The following CHN2 variants were observed in gnomAD, a reference collection of about 807,000 sequenced individuals.
CHN2 encodes the protein beta-chimaerin.
CHN2 carries 35 observed loss-of-function variants against 56.3 expected under a neutral mutation model. The observed-to-expected ratio is 0.62, with a 90% confidence interval of 0.47 to 0.82. CHN2 has a LOEUF of 0.82. Ranked by LOEUF, CHN2 falls within the 40% of genes least tolerant of loss-of-function variation. The pLI, the probability that CHN2 is intolerant of heterozygous loss-of-function variation, is 0.00. For missense variants in CHN2, 491 were observed against 580.5 expected (o/e 0.85, Z 1.58); for synonymous variants, 210 against 212.8 (o/e 0.99, Z 0.12).
intron 1 of CHN2, among the ~76,000 whole-genome samples, chr7:29,333,989 C>T (rs895043710): frequency 1.3e-5 from 2 of 151,770 alleles, no homozygotes; most frequent in Admixed American, 1.3e-4. Flanking sequence ...ATTTGACCAC[C>T]TTGCTATAAG....
intron 2 of CHN2, among the ~76,000 whole-genome samples, chr7:29,163,264 A>G (rs1279075293): frequency 6.6e-6 from 1 of 152,152 alleles, no homozygotes; most frequent in East Asian, 1.9e-4. Context: ...TATATACTGG[A>G]TTTTGAAGAC....
chr7:29,351,879 GTGT>G (rs1421293305), intron 1 of CHN2, among the ~76,000 whole-genome samples: 1 of 152,232 alleles, frequency 6.6e-6, no homozygotes, highest in Non-Finnish European at 1.5e-5. Flanking sequence ...ACACCAGGAA[GTGT>G]TGTGATCTCC....
intron 1 of CHN2, among the ~76,000 whole-genome samples, chr7:29,302,318 TC>T (rs74379697): frequency 0.091 from 13,725 of 151,264 alleles, 792 homozygotes; most frequent in East Asian, 0.19. Flanking sequence ...TCTCCTTCCT[TC>T]CTTCTTTCTT....
chr7:29,437,551 T>C (rs1272296798), intron 6 of CHN2, among the ~76,000 whole-genome samples: 2 of 82,504 alleles, frequency 2.4e-5, no homozygotes, highest in Admixed American at 1.1e-4. Flanking sequence ...TGAGCCGAGA[T>C]CGCGCCACTG....
chr7:29,216,648 C>T (rs39061), intron 1 of CHN2, among the ~76,000 whole-genome samples: 69,623 of 151,970 alleles, frequency 0.46, 17,431 homozygotes, highest in Non-Finnish European at 0.55. Context: ...TTTCAGATAA[C>T]GGATGCTTTA....
intron 2 of CHN2, among the ~76,000 whole-genome samples, chr7:29,167,053 T>C (rs1366247162): frequency 6.6e-6 from 1 of 152,134 alleles, no homozygotes; most frequent in Admixed American, 6.5e-5. Context: ...AAGTGAACAA[T>C]GTTTACAACT....
chr7:29,352,059 TGGACAGTGAGA>T (rs1318030576), intron 1 of CHN2, among the ~76,000 whole-genome samples: 1 of 152,226 alleles, frequency 6.6e-6, no homozygotes, highest in East Asian at 1.9e-4. Context: ...AAGACTGAAA[TGGACAGTGAGA>T]GGTCACCTTA....
intron 1 of CHN2, among the ~76,000 whole-genome samples, chr7:29,330,565 T>C (rs1796137913): frequency 6.6e-6 from 1 of 152,216 alleles, no homozygotes; most frequent in African/African-American, 2.4e-5. Flanking sequence ...GACAAATTCA[T>C]GTTCTTGGAT....
intron 1 of CHN2, among the ~76,000 whole-genome samples, chr7:29,351,998 A>G (rs563958517): frequency 6.6e-6 from 1 of 152,324 alleles, no homozygotes; most frequent in African/African-American, 2.4e-5. Context: ...GTGTTAATTT[A>G]GGGGCCAGTG....
At chr7:29,206,783 G>A (rs369343357) in intron 1 of CHN2, among the ~76,000 whole-genome samples, 18 of 152,212 alleles carry the variant, frequency 1.2e-4, no homozygotes, top group African/African-American at 4.1e-4. Context: ...CTCAAAAAGC[G>A]ATGCTGTATA....
At chr7:29,266,337 A>G (rs1195671593) in intron 1 of CHN2, among the ~76,000 whole-genome samples, 3 of 152,184 alleles carry the variant, frequency 2.0e-5, no homozygotes, top group African/African-American at 7.2e-5. Flanking sequence ...TGGGTGATCC[A>G]ATAAGACGTG....
intron 1 of CHN2, among the ~76,000 whole-genome samples, chr7:29,279,139 A>C (rs900782841): frequency 2.6e-5 from 4 of 152,204 alleles, no homozygotes; most frequent in African/African-American, 9.7e-5. Context: ...TGGAATATTA[A>C]TGCAGTATTC....
chr7:29,172,008 C>T (rs1796667823), intron 2 of CHN2, among the ~76,000 whole-genome samples: 1 of 152,128 alleles, frequency 6.6e-6, no homozygotes, highest in African/African-American at 2.4e-5. Context: ...GGGTGGTACA[C>T]AGGAGAAAAA....
upstream of CHN2, chr7:29,194,707 A>T (rs371324449): frequency 2.3e-4 from 93 of 408,612 alleles, 5 homozygotes; most frequent in Admixed American, 6.9e-4. Flanking sequence ...CACCCATAGA[A>T]AAGCGTGCAA....
Position 29,513,004 on chromosome 7 carries a change from T to C in CHN2, c.*269T>C, listed in dbSNP as rs1299283607. ...GTTTGCTGGAAGAGTGATTAATACA[T>C]CTTTAATTTATTAAAAAACAATGTA... On this transcript the variant is annotated 3_prime_UTR_variant, in exon 13 of 13. Transcript: ENST00000222792. 1 of 309,620 alleles carries C rather than the reference T, an allele frequency of 3.2e-6. No homozygotes were observed. Among genetic ancestry groups the C allele is most frequent in the East Asian group, 5.6e-5 (1 of 17,774 alleles). 19.2% of individuals were successfully genotyped at this position (309,620 alleles called of 1,614,324 possible).
chr7:29,246,111 T>C (rs1335358797), intron 1 of CHN2, among the ~76,000 whole-genome samples: 1 of 152,318 alleles, frequency 6.6e-6, no homozygotes, highest in East Asian at 1.9e-4. Context: ...ACCAAGGAAG[T>C]TGTGTTACCA....
chr7:29,201,298 A>G (rs918032579), intron 1 of CHN2, among the ~76,000 whole-genome samples: 3 of 152,186 alleles, frequency 2.0e-5, no homozygotes, highest in Admixed American at 6.5e-5. Flanking sequence ...ACTTGACAGC[A>G]GAGCTAGAGC....
intron 1 of CHN2, among the ~76,000 whole-genome samples, chr7:29,313,575 G>A (rs935232584): frequency 1.3e-5 from 2 of 152,162 alleles, no homozygotes; most frequent in Admixed American, 6.5e-5. Context: ...CTCTAGGAAA[G>A]CATCTCATTT....
At chr7:29,399,294 C>T (rs1383184752) in intron 5 of CHN2, among the ~76,000 whole-genome samples, 1 of 152,190 alleles carries the variant, frequency 6.6e-6, no homozygotes, top group East Asian at 1.9e-4. Flanking sequence ...GCTCCTTCAC[C>T]TGGCCTTGCA....
Sources: gnomAD v4.1 joint callset for allele counts (sites outside exome capture counted in the v4.1 genomes callset) on GRCh38, gnomAD v4.1.1 for gene constraint, MANE v1.5 for transcripts, NCBI Gene and HGNC (gene_info 2026-07-23, HGNC 2026-07-21) for gene names.